The following VAC14 variants were observed in gnomAD, a reference collection of about 807,000 sequenced individuals.
The protein encoded by VAC14 is protein VAC14 homolog.
In VAC14, 47 loss-of-function variants were observed where a neutral mutation model predicts 85.3. That is an observed-to-expected ratio of 0.55 (90% CI 0.44 to 0.70). The LOEUF (loss-of-function observed/expected upper bound fraction) is 0.70, where lower values mean the gene tolerates loss of function less well. VAC14 is among the 30% of genes least tolerant of loss of function. The probability of loss-of-function intolerance (pLI) is 0.00; values close to 1 mark genes in which losing one functional copy is unlikely to be tolerated. For synonymous variants in VAC14, 447 were observed against 430.5 expected (o/e 1.04, Z -0.47); for missense variants, 861 against 1,004.3 (o/e 0.86, Z 1.93).
intron 10 of VAC14, chr16:70,770,121 A>C (rs897175041): frequency 3.9e-5 from 6 of 152,100 alleles, no homozygotes; most frequent in Non-Finnish European, 8.8e-5. Flanking sequence ...CCCCACCCAC[A>C]CCTGCTCCTC....
At chr16:70,759,715 G>C (rs147522623) in intron 12 of VAC14, among the ~76,000 whole-genome samples, 44 of 152,230 alleles carry the variant, frequency 2.9e-4, no homozygotes, top group African/African-American at 1.1e-3. Context: ...AGAACTTCTG[G>C]AACAAGACCA....
chr16:70,737,256 A>G (rs1009997844), intron 13 of VAC14, among the ~76,000 whole-genome samples: 2 of 152,100 alleles, frequency 1.3e-5, no homozygotes, highest in Non-Finnish European at 2.9e-5. Context: ...GGAAAGTGGG[A>G]GCCGGGACGG....
chr16:70,772,058 A>T, intron 10 of VAC14, 51 bp downstream of exon 10: 1 of 1,571,008 alleles, frequency 6.4e-7, no homozygotes, highest in Middle Eastern at 1.9e-4. Context: ...TCCAGGAAAG[A>T]TCTAGGCCGC....
chr16:70,771,312 A>G (rs9934593), intron 10 of VAC14: 151,713 of 152,286 alleles, frequency 1, 75,571 homozygotes, highest in East Asian at 1. Context: ...CACAGGAGAC[A>G]ACAGCTCCTG....
intron 12 of VAC14, among the ~76,000 whole-genome samples, chr16:70,745,818 C>T (rs981838551): frequency 1.4e-4 from 17 of 124,118 alleles, no homozygotes; most frequent in Middle Eastern, 7.7e-3. Context: ...AGAATAACGA[C>T]GGCAACCGGG....
intron 13 of VAC14, among the ~76,000 whole-genome samples, chr16:70,740,717 C>T (rs996061303): frequency 2.6e-5 from 4 of 152,222 alleles, no homozygotes; most frequent in Non-Finnish European, 5.9e-5. Flanking sequence ...CAGCTGCCCG[C>T]CCAGGCTGCT....
intron 12 of VAC14, among the ~76,000 whole-genome samples, chr16:70,750,075 G>A (rs1033591765): frequency 6.6e-6 from 1 of 152,234 alleles, no homozygotes; most frequent in African/African-American, 2.4e-5. Flanking sequence ...AACCTCTGGA[G>A]GAGAAGGCGA....
chr16:70,781,864 G>T lies in VAC14; in HGVS notation c.946+5C>A. ...TCAATTATTCTCTCCCAAAGCAAAGGATACTTTTCTTGCGGTCATCGTAGG... is the reference window on the plus strand; with the variant it reads ...TCAATTATTCTCTCCCAAAGCAAAGTATACTTTTCTTGCGGTCATCGTAGG... On this transcript the variant is annotated splice_donor_5th_base_variant and intron_variant, in intron 8 of 18. Coordinates refer to ENST00000261776, the MANE Select transcript of VAC14 (RefSeq NM_018052.5). The T allele has an allele frequency of 6.2e-7, 1 of 1,613,816 alleles. No homozygotes were observed.
chr16:70,721,810 T>C (rs2054300421), intron 14 of VAC14, among the ~76,000 whole-genome samples: 1 of 152,104 alleles, frequency 6.6e-6, no homozygotes, highest in Non-Finnish European at 1.5e-5. Context: ...GTGAATCCCA[T>C]GGTGCCAGTC....
chr16:70,799,653 G>A (rs935210606), intron 1 of VAC14, among the ~76,000 whole-genome samples: 3 of 152,192 alleles, frequency 2.0e-5, no homozygotes, highest in Non-Finnish European at 2.9e-5. Context: ...ATCCTGCAAG[G>A]CACAGGACAG....
chr16:70,687,853 A>C lies in VAC14; in HGVS notation c.*75T>G. The C allele has an allele frequency of 3.0e-6, 4 of 1,340,122 alleles. No individual in the cohort carries two copies. Among genetic ancestry groups the C allele is most frequent in the Non-Finnish European group, 3.9e-6 (4 of 1,035,350 alleles). 83.0% of individuals were successfully genotyped at this position (1,340,122 alleles called of 1,614,324 possible). On this transcript the variant is annotated 3_prime_UTR_variant, in exon 19 of 19. Coordinates refer to ENST00000261776, the MANE Select transcript of VAC14 (RefSeq NM_018052.5). ...CCTGGTCCTGACAGGCAGGTCCTTG[A>C]GCTCCTCGGGAGGGCGTGACGACCC...
At chr16:70,765,606 C>T (rs994157314) in intron 10 of VAC14, among the ~76,000 whole-genome samples, 4 of 152,164 alleles carry the variant, frequency 2.6e-5, no homozygotes, top group African/African-American at 7.2e-5. Context: ...ATGGTGGGGC[C>T]GCACTTTGGA....
intron 13 of VAC14, among the ~76,000 whole-genome samples, chr16:70,735,441 G>A (rs974735809): frequency 1.3e-5 from 2 of 152,214 alleles, no homozygotes; most frequent in Admixed American, 6.5e-5. Context: ...TCACGGAGGC[G>A]TCTGGACAGA....
intron 8 of VAC14, 46 bp downstream of exon 8, chr16:70,781,823 C>T (rs1460200841): frequency 6.2e-7 from 1 of 1,603,742 alleles, no homozygotes; most frequent in Non-Finnish European, 8.5e-7. Flanking sequence ...ACTTCATAAT[C>T]CCTTTGGGGC....
intron 9 of VAC14, among the ~76,000 whole-genome samples, chr16:70,777,085 G>A (rs2033558095): frequency 6.6e-6 from 1 of 151,464 alleles, no homozygotes; most frequent in African/African-American, 2.4e-5. Context: ...GGGATTACAG[G>A]TGTGAGCCAC....
At chr16:70,793,926 G>A (rs924343282) in intron 1 of VAC14, among the ~76,000 whole-genome samples, 6 of 152,192 alleles carry the variant, frequency 3.9e-5, no homozygotes, top group Non-Finnish European at 5.9e-5. Flanking sequence ...GTTGGACCTA[G>A]GAATGAACTG....
At chr16:70,741,873 A>G (rs1233688455) in intron 13 of VAC14, among the ~76,000 whole-genome samples, 2 of 152,122 alleles carry the variant, frequency 1.3e-5, no homozygotes, top group African/African-American at 2.4e-5. Context: ...GCCCTGCCAT[A>G]TAGTGCCCCT....
intron 1 of VAC14, among the ~76,000 whole-genome samples, chr16:70,797,128 A>C (rs1301170723): frequency 6.6e-6 from 1 of 152,228 alleles, no homozygotes; most frequent in Non-Finnish European, 1.5e-5. Flanking sequence ...GGTCTTACTG[A>C]GCTAAAATCA....
At chr16:70,737,111 G>A (rs1484395450) in intron 13 of VAC14, among the ~76,000 whole-genome samples, 2 of 152,144 alleles carry the variant, frequency 1.3e-5, no homozygotes, top group Non-Finnish European at 2.9e-5. Context: ...ACCCCGGGAG[G>A]GTGACTACAG....
Sources: gnomAD v4.1 joint callset for allele counts (sites outside exome capture counted in the v4.1 genomes callset) on GRCh38, gnomAD v4.1.1 for gene constraint, MANE v1.5 for transcripts, NCBI Gene and HGNC (gene_info 2026-07-23, HGNC 2026-07-21) for gene names.